LRRC4C: variants seen among roughly 807,000 people sequenced by gnomAD.
LRRC4C encodes leucine-rich repeat-containing protein 4C.
Under a neutral mutation model 33.6 loss-of-function variants are expected in LRRC4C, and 5 were observed. The ratio of observed to expected loss-of-function variants is 0.15; its 90% CI spans 0.08 to 0.31. The LOEUF is 0.31. Among genes scored for constraint, LRRC4C ranks in the 10% least tolerant of loss-of-function variants. The probability of loss-of-function intolerance (pLI) is 1.00; values close to 1 mark genes in which losing one functional copy is unlikely to be tolerated. For missense variants in LRRC4C, 560 were observed against 796.7 expected (o/e 0.70, Z 3.58); for synonymous variants, 329 against 302.0 (o/e 1.09, Z -0.93).
At chr11:40,757,580 A>C (rs1377920447) in intron 2 of LRRC4C, among the ~76,000 whole-genome samples, 1 of 144,946 alleles carries the variant, frequency 6.9e-6, no homozygotes. Flanking sequence ...TTGTATGCCT[A>C]TATCAAAGCA....
chr11:40,114,336 TTGA>T lies in LRRC4C; in HGVS notation c.*31_*33del. On this transcript the variant is annotated 3_prime_UTR_variant, in exon 7 of 7. Transcript: ENST00000528697. ...CATTTTTAATAAACTGTCTTTTTTTTTGATTGTTTGTTTTTTGTAACTCTGTAA... is the reference window on the plus strand; with the variant it reads ...CATTTTTAATAAACTGTCTTTTTTTTTTGTTTGTTTTTTGTAACTCTGTAA... The T allele has an allele frequency of 6.6e-7, 1 of 1,524,152 alleles. No homozygotes were observed. The highest frequency in any genetic ancestry group is 8.8e-7 in the Non-Finnish European group (1 of 1,138,328). 94.4% of individuals were successfully genotyped at this position (1,524,152 alleles called of 1,614,324 possible). A position where few individuals can be genotyped will look rare whatever the true frequency, so the allele number is the denominator to read the frequency against.
intron 3 of LRRC4C, among the ~76,000 whole-genome samples, chr11:40,531,735 A>C (rs10437645): frequency 0.08 from 12,140 of 151,872 alleles, 1,375 homozygotes; most frequent in African/African-American, 0.25. Flanking sequence ...ACAATGAGAG[A>C]GGAGGAGGCT....
At chr11:40,650,821 G>C (rs1942749932) in intron 2 of LRRC4C, among the ~76,000 whole-genome samples, 1 of 151,804 alleles carries the variant, frequency 6.6e-6, no homozygotes, top group South Asian at 2.1e-4. Flanking sequence ...GTTCTCTTTG[G>C]CCAGCCCATA....
At chr11:41,240,712 T>C (rs1375059376) in intron 1 of LRRC4C, among the ~76,000 whole-genome samples, 1 of 152,204 alleles carries the variant, frequency 6.6e-6, no homozygotes, top group Non-Finnish European at 1.5e-5. Flanking sequence ...TAAATTGGGA[T>C]GAATAGCATT....
chr11:41,374,733 G>A, intron 1 of LRRC4C, among the ~76,000 whole-genome samples: 1 of 152,164 alleles, frequency 6.6e-6, no homozygotes, highest in East Asian at 1.9e-4. Flanking sequence ...TATTAATTTT[G>A]TTAGGTGTAA....
intron 3 of LRRC4C, among the ~76,000 whole-genome samples, chr11:40,404,676 T>C (rs1949893263): frequency 6.6e-6 from 1 of 152,006 alleles, no homozygotes; most frequent in African/African-American, 2.4e-5. Context: ...CATCCTTCAC[T>C]CCATAGCCAA....
intron 1 of LRRC4C, among the ~76,000 whole-genome samples, chr11:41,116,922 T>C (rs1322963658): frequency 6.6e-6 from 1 of 152,156 alleles, no homozygotes; most frequent in Admixed American, 6.6e-5. Flanking sequence ...CACCTCACCA[T>C]AGGCCATGCC....
intron 1 of LRRC4C, among the ~76,000 whole-genome samples, chr11:41,272,404 T>C (rs1949349518): frequency 6.6e-6 from 1 of 152,118 alleles, no homozygotes; most frequent in Non-Finnish European, 1.5e-5. Flanking sequence ...TCCTGGACTA[T>C]GTTTAGCATT....
chr11:40,257,965 C>T (rs892572808), intron 4 of LRRC4C, among the ~76,000 whole-genome samples: 4 of 152,122 alleles, frequency 2.6e-5, no homozygotes, highest in African/African-American at 4.8e-5. Context: ...TAACAGGTCC[C>T]GGGTAGAACA....
intron 1 of LRRC4C, among the ~76,000 whole-genome samples, chr11:41,240,794 C>G (rs1013236448): frequency 3.9e-5 from 6 of 152,040 alleles, no homozygotes; most frequent in African/African-American, 1.4e-4. Context: ...GAAGCACTTT[C>G]ATTAAATTGA....
intron 1 of LRRC4C, among the ~76,000 whole-genome samples, chr11:41,120,601 T>G (rs1256313417): frequency 1.3e-5 from 2 of 152,176 alleles, no homozygotes; most frequent in East Asian, 3.9e-4. Context: ...TGAAGGCAGC[T>G]TCTAACAGGC....
chr11:40,488,059 C>T (rs1590890292), intron 3 of LRRC4C, among the ~76,000 whole-genome samples: 1 of 151,958 alleles, frequency 6.6e-6, no homozygotes. Context: ...TTAAATTAGC[C>T]CTTCAACTGA....
chr11:40,796,226 A>G (rs1291739267), intron 2 of LRRC4C, among the ~76,000 whole-genome samples: 1 of 152,152 alleles, frequency 6.6e-6, no homozygotes, highest in Non-Finnish European at 1.5e-5. Flanking sequence ...AAAATAGATG[A>G]TAGTAAGGGG....
At chr11:41,044,379 T>C (rs1489981396) in intron 1 of LRRC4C, among the ~76,000 whole-genome samples, 5 of 152,172 alleles carry the variant, frequency 3.3e-5, no homozygotes, top group Non-Finnish European at 5.9e-5. Context: ...GAATTCCCAA[T>C]GTGAGCACAT....
chr11:40,911,813 A>G (rs1026991762), intron 2 of LRRC4C, among the ~76,000 whole-genome samples: 12 of 152,170 alleles, frequency 7.9e-5, no homozygotes, highest in African/African-American at 2.9e-4. Context: ...GATTACACAA[A>G]TGGCTAACTA....
At chr11:40,942,385 T>C (rs1958194697) in intron 1 of LRRC4C, among the ~76,000 whole-genome samples, 1 of 152,212 alleles carries the variant, frequency 6.6e-6, no homozygotes, top group Admixed American at 6.6e-5. Flanking sequence ...TTTTTACTCA[T>C]GGACCAGAAC....
At chr11:40,413,483 C>A (rs111417040) in intron 3 of LRRC4C, among the ~76,000 whole-genome samples, 1 of 152,110 alleles carries the variant, frequency 6.6e-6, no homozygotes, top group Non-Finnish European at 1.5e-5. Flanking sequence ...CAAAGGTTGT[C>A]CCCTCAAGGG....
intron 3 of LRRC4C, among the ~76,000 whole-genome samples, chr11:40,355,814 A>G (rs1441431616): frequency 6.6e-6 from 1 of 152,006 alleles, no homozygotes; most frequent in African/African-American, 2.4e-5. Context: ...GGCTCTTATA[A>G]ATGTGCCTTC....
At chr11:40,445,349 T>G (rs1951583436) in intron 3 of LRRC4C, 1 of 152,992 alleles carries the variant, frequency 6.5e-6, no homozygotes, top group African/African-American at 2.4e-5. Context: ...CATAAGGGTT[T>G]CCACTTGTGA....
Sources: allele counts gnomAD v4.1 joint callset (sites outside exome capture counted in the v4.1 genomes callset), GRCh38; gene constraint gnomAD v4.1.1; transcripts MANE v1.5; gene names NCBI Gene and HGNC (gene_info 2026-07-23, HGNC 2026-07-21).